CWF19L2: variants seen among roughly 807,000 people sequenced by gnomAD.
CWF19L2 encodes the protein CWF19 like cell cycle control factor 2, also known as CWF19-like protein 2.
A neutral mutation model predicts 111.7 loss-of-function variants in CWF19L2; 98 were observed. The ratio of observed to expected loss-of-function variants is 0.88; its 90% CI spans 0.75 to 1.04. The LOEUF is 1.04. CWF19L2 is among the 50% of genes least tolerant of loss of function. CWF19L2 has a pLI of 0.00. For missense variants in CWF19L2, 1,101 were observed against 1,051.4 expected, an observed-to-expected ratio of 1.05 and a Z score of -0.65; for synonymous variants, 351 against 342.9, an observed-to-expected ratio of 1.02 and a Z score of -0.26.
At chr11:107,352,392 T>C (rs1860168695) in intron 13 of CWF19L2, among the ~76,000 whole-genome samples, 1 of 152,216 alleles carries the variant, frequency 6.6e-6, no homozygotes, top group Non-Finnish European at 1.5e-5. Context: ...TTTATATTTC[T>C]AGTACCTAGT....
At chr11:107,350,634 A>AT (rs1286090694) in intron 13 of CWF19L2, among the ~76,000 whole-genome samples, 1 of 152,144 alleles carries the variant, frequency 6.6e-6, no homozygotes, top group Non-Finnish European at 1.5e-5. Context: ...AGTCTACGGT[A>AT]TTTTTTATAG....
At chr11:107,421,390 C>A (rs549327999) in intron 8 of CWF19L2, among the ~76,000 whole-genome samples, 37 of 151,920 alleles carry the variant, frequency 2.4e-4, no homozygotes, top group Non-Finnish European at 5.2e-4. Flanking sequence ...ATTCAAAAAA[C>A]AATAAAAATC....
At chr11:107,364,345 T>G (rs1860405208) in intron 12 of CWF19L2, among the ~76,000 whole-genome samples, 1 of 147,676 alleles carries the variant, frequency 6.8e-6, no homozygotes, top group Non-Finnish European at 1.5e-5. Flanking sequence ...TACAGAACTC[T>G]CCACCCCAAA....
At chr11:107,346,346 A>T (rs1420112555) in intron 14 of CWF19L2, among the ~76,000 whole-genome samples, 1 of 152,180 alleles carries the variant, frequency 6.6e-6, no homozygotes, top group Non-Finnish European at 1.5e-5. Flanking sequence ...TCAAAAATGA[A>T]TTTAAACAAT....
At chr11:107,431,400 G>A (rs1197302683) in intron 7 of CWF19L2, among the ~76,000 whole-genome samples, 3 of 151,804 alleles carry the variant, frequency 2.0e-5, no homozygotes, top group Admixed American at 2.0e-4. Context: ...CATAATAACT[G>A]CACAGAGAAA....
intron 8 of CWF19L2, among the ~76,000 whole-genome samples, chr11:107,426,882 G>A (rs1293991870): frequency 6.6e-6 from 1 of 151,652 alleles, no homozygotes; most frequent in Non-Finnish European, 1.5e-5. Flanking sequence ...TGGCAAATAG[G>A]ATTAGGGTTG....
chr11:107,393,887 A>T (rs1860884632), intron 10 of CWF19L2, among the ~76,000 whole-genome samples: 1 of 152,138 alleles, frequency 6.6e-6, no homozygotes, highest in Admixed American at 6.5e-5. Flanking sequence ...AGCAGGGAGG[A>T]TGGAAAGGGA....
At chr11:107,420,552 T>G (rs529632643) in intron 8 of CWF19L2, among the ~76,000 whole-genome samples, 1 of 152,144 alleles carries the variant, frequency 6.6e-6, no homozygotes, top group South Asian at 2.1e-4. Flanking sequence ...CTCTCAATAT[T>G]TGATAGGATA....
At chr11:107,420,052 C>T (rs982279151) in intron 8 of CWF19L2, among the ~76,000 whole-genome samples, 5 of 151,412 alleles carry the variant, frequency 3.3e-5, no homozygotes, top group Non-Finnish European at 7.4e-5. Context: ...AAATATATAG[C>T]AACCAAGGAA....
intron 17 of CWF19L2, among the ~76,000 whole-genome samples, chr11:107,327,360 A>G (rs1859776684): frequency 6.6e-6 from 1 of 152,138 alleles, no homozygotes. Context: ...AATTAATATG[A>G]TCTCTATTAG....
intron 16 of CWF19L2, among the ~76,000 whole-genome samples, chr11:107,330,872 T>C (rs1183397304): frequency 6.6e-6 from 1 of 152,116 alleles, no homozygotes; most frequent in Non-Finnish European, 1.5e-5. Context: ...TACTTACTTA[T>C]TTGGGCAGTG....
chr11:107,404,274 C>A, intron 10 of CWF19L2: 1 of 779,260 alleles, frequency 1.3e-6, no homozygotes, highest in East Asian at 2.4e-5. Flanking sequence ...TCAGTGAGAT[C>A]TCGCCACATG....
intron 8 of CWF19L2, among the ~76,000 whole-genome samples, chr11:107,419,684 G>A (rs1014513493): frequency 7.9e-5 from 12 of 152,232 alleles, no homozygotes; most frequent in Non-Finnish European, 1.3e-4. Flanking sequence ...ATATGGGTAA[G>A]ATTAATGGAA....
chr11:107,373,974 C>A lies in CWF19L2; in HGVS notation c.1872+16100G>T. Among the ~76,000 whole-genome samples the A allele has an allele frequency of 1.5e-5, 2 of 136,214 alleles. 1 individual carries two copies. The highest frequency in any genetic ancestry group is 3.1e-5 in the Non-Finnish European group (2 of 63,954). The allele number at this position is 136,214 out of a possible 152,430, so 89.4% of individuals were successfully genotyped here. On this transcript the variant is annotated intron_variant, in intron 12 of 17. Coordinates refer to ENST00000282251, the MANE Select transcript of CWF19L2 (RefSeq NM_152434.3). ...AGGCTCGAGAACTACGTGAAGAATG[C>A]AGAAGCCTCAGGAGCTGATGCGATC...
In CWF19L2 at chr11:107,445,377, G is replaced by T. The variant is rs539169657; in HGVS notation, c.340-2328C>A. Among the ~76,000 whole-genome samples the T allele has an allele frequency of 1.3e-5, 2 of 152,038 alleles. 1 individual carries two copies. The highest frequency in any genetic ancestry group is 4.1e-4 in the South Asian group (2 of 4,834). On this transcript the variant is annotated intron_variant, in intron 3 of 17. Transcript: ENST00000282251. ...TCCCAACACTTTGGGAGGCCGAGGC[G>T]GGTGGATCATGAGGTCAGGAGTTCG... is the stretch of plus-strand genomic sequence containing the variant.
chr11:107,397,619 G>C (rs1033531607), intron 10 of CWF19L2, among the ~76,000 whole-genome samples: 2 of 152,018 alleles, frequency 1.3e-5, no homozygotes, highest in Admixed American at 1.3e-4. Flanking sequence ...TACAACCTTG[G>C]GAGTTCTAGG....
intron 12 of CWF19L2, among the ~76,000 whole-genome samples, chr11:107,369,276 A>T (rs1291076835): frequency 7.3e-6 from 1 of 137,630 alleles, no homozygotes; most frequent in Non-Finnish European, 1.6e-5. Flanking sequence ...TGATGCTTTT[A>T]TTATATTTCT....
intron 7 of CWF19L2, among the ~76,000 whole-genome samples, chr11:107,432,957 A>T (rs911675405): frequency 1.5e-4 from 23 of 152,260 alleles, no homozygotes; most frequent in East Asian, 7.7e-4. Context: ...TAAATATATT[A>T]AAAAAATTAA....
rs374159860 is a variant in CWF19L2, at chr11:107,372,044, T to C, written c.1872+18030A>G. Among the ~76,000 whole-genome samples the C allele has an allele frequency of 3.1e-5, 4 of 127,782 alleles. 1 individual carries two copies. Among genetic ancestry groups the C allele is most frequent in the Non-Finnish European group, 4.9e-5 (3 of 61,084 alleles). The allele number at this position is 127,782 out of a possible 152,430, so 83.8% of individuals were successfully genotyped here. On this transcript the variant is annotated intron_variant, in intron 12 of 17. Transcript: ENST00000282251. ...ATTTTGTATAATAGTGAAAAGGGGG[T>C]TTCTGGAATTCCATGCACTTGACTT...
Sources: allele counts gnomAD v4.1 joint callset (sites outside exome capture counted in the v4.1 genomes callset), GRCh38; gene constraint gnomAD v4.1.1; transcripts MANE v1.5; gene names NCBI Gene and HGNC (gene_info 2026-07-23, HGNC 2026-07-21).